Variants in OTULIN observed in about 807,000 individuals in gnomAD.
The protein encoded by OTULIN is ubiquitin thioesterase otulin.
A neutral mutation model predicts 39.6 loss-of-function variants in OTULIN; 15 were observed. The ratio of observed to expected loss-of-function variants is 0.38; its 90% CI spans 0.25 to 0.58. The LOEUF (loss-of-function observed/expected upper bound fraction) is 0.58, where lower values mean the gene tolerates loss of function less well. Ranked by LOEUF, OTULIN falls within the 20% of genes least tolerant of loss-of-function variation. The pLI is 0.66. For missense variants in OTULIN, 319 were observed against 445.9 expected (o/e 0.72, Z 2.56); for synonymous variants, 156 against 170.3 (o/e 0.92, Z 0.65).
chr5:14,685,898 T>A (rs1736376467), intron 4 of OTULIN, among the ~76,000 whole-genome samples: 1 of 152,194 alleles, frequency 6.6e-6, no homozygotes, highest in Non-Finnish European at 1.5e-5. Context: ...GTGATAAATC[T>A]GAGAGACTGA....
At chr5:14,673,551 G>A (rs1017743620) in intron 1 of OTULIN, 91 bp from the exon 2 acceptor site, 1 of 1,033,080 alleles carries the variant, frequency 9.7e-7, no homozygotes, top group East Asian at 2.5e-5. Flanking sequence ...TAAACCCTTA[G>A]TATATTATGC....
downstream of OTULIN, among the ~76,000 whole-genome samples, chr5:14,702,399 G>A (rs771888632): frequency 1.3e-5 from 2 of 152,164 alleles, no homozygotes; most frequent in Admixed American, 6.5e-5. Context: ...GGGCATCACC[G>A]CTGTATTTGG....
intron 1 of OTULIN, among the ~76,000 whole-genome samples, chr5:14,667,243 G>A (rs929246236): frequency 3.3e-5 from 5 of 152,204 alleles, no homozygotes; most frequent in Non-Finnish European, 5.9e-5. Context: ...CTGTGGTGAC[G>A]AGTAGAGAAA....
At chr5:14,677,852 A>G (rs1736145085) in intron 2 of OTULIN, among the ~76,000 whole-genome samples, 1 of 152,236 alleles carries the variant, frequency 6.6e-6, no homozygotes, top group Non-Finnish European at 1.5e-5. Context: ...ATGGTTATAA[A>G]AAACTGATTA....
the OTULIN span, chr5:14,711,159 G>A: frequency 3.2e-5 from 48 of 1,512,336 alleles, no homozygotes; most frequent in East Asian, 9.9e-4. Context: ...GTGTCATCCT[G>A]ACTGACTGTC....
intron 1 of OTULIN, among the ~76,000 whole-genome samples, chr5:14,671,489 C>A (rs1735977146): frequency 1.3e-5 from 2 of 152,256 alleles, no homozygotes; most frequent in African/African-American, 4.8e-5. Context: ...GGAATTTGTC[C>A]CTTATTTTAT....
chr5:14,672,635 T>C (rs1253082757), intron 1 of OTULIN, among the ~76,000 whole-genome samples: 1 of 152,120 alleles, frequency 6.6e-6, no homozygotes, highest in East Asian at 1.9e-4. Context: ...GAAGGTCAGC[T>C]AGTCTCCTTG....
chr5:14,666,803 A>G (rs1250458457), intron 1 of OTULIN, among the ~76,000 whole-genome samples: 5 of 152,122 alleles, frequency 3.3e-5, no homozygotes, highest in African/African-American at 1.2e-4. Context: ...GCCTTTTTCC[A>G]TCTTTCTGAC....
At chr5:14,711,488 T>G in the OTULIN span, among the ~76,000 whole-genome samples, 4 of 152,144 alleles carry the variant, frequency 2.6e-5, no homozygotes, top group Admixed American at 2.0e-4. Flanking sequence ...CCTTGCAGTT[T>G]GGTTGTCTGT....
the OTULIN span, chr5:14,709,647 A>T: frequency 6.6e-6 from 1 of 152,440 alleles, no homozygotes; most frequent in Non-Finnish European, 1.5e-5. Context: ...TACTCCAGTG[A>T]CCCATTTATT....
In OTULIN at chr5:14,697,258, A is replaced by G. The variant is rs1032912257; in HGVS notation, c.*4210A>G. 1 of 152,260 alleles carries G rather than the reference A, an allele frequency of 6.6e-6. No individual in the cohort carries two copies. The highest frequency in any genetic ancestry group is 2.4e-5 in the African/African-American group (1 of 41,426). The allele number at this position is 152,260 out of a possible 1,614,324, so 9.4% of individuals were successfully genotyped here. On this transcript the variant is annotated 3_prime_UTR_variant, in exon 7 of 7. Transcript: ENST00000284274. The stretch of plus-strand genomic sequence containing the variant: ...AGTGGTGCGATCTCAGCTCACTGCA[A>G]CTTTTGCCTCCTGGTTCAAGCAGTT...
At chr5:14,688,989 T>C (rs1474197491) in intron 5 of OTULIN, among the ~76,000 whole-genome samples, 1 of 152,236 alleles carries the variant, frequency 6.6e-6, no homozygotes, top group Non-Finnish European at 1.5e-5. Flanking sequence ...CCAGCATTAC[T>C]AACACTTCTA....
At chr5:14,679,849 A>G (rs1736201645) in intron 3 of OTULIN, among the ~76,000 whole-genome samples, 1 of 152,190 alleles carries the variant, frequency 6.6e-6, no homozygotes, top group South Asian at 2.1e-4. Context: ...TCAATTATGA[A>G]AAACCTGGAA....
the OTULIN span, chr5:14,710,270 T>A: frequency 6.6e-6 from 1 of 152,348 alleles, no homozygotes; most frequent in South Asian, 2.1e-4. Context: ...AAGCTTCAGT[T>A]CACTGTAAAA....
intron 2 of OTULIN, among the ~76,000 whole-genome samples, chr5:14,675,620 C>T (rs1024646324): frequency 9.9e-5 from 15 of 152,148 alleles, no homozygotes; most frequent in Admixed American, 2.6e-4. Flanking sequence ...TGTAGGCTCT[C>T]GGTTGTGATT....
chr5:14,682,648 C>T (rs1242902381), intron 4 of OTULIN, among the ~76,000 whole-genome samples: 1 of 152,152 alleles, frequency 6.6e-6, no homozygotes, highest in Admixed American at 6.5e-5. Context: ...TTTAATTATG[C>T]AAGCCCACTG....
downstream of OTULIN, among the ~76,000 whole-genome samples, chr5:14,703,837 C>T (rs935578930): frequency 1.3e-5 from 2 of 152,112 alleles, no homozygotes; most frequent in Admixed American, 1.3e-4. Flanking sequence ...GAGAGAAGCA[C>T]AGTGGAGGTA....
chr5:14,680,539 ATGG>A (rs745400653), intron 3 of OTULIN, among the ~76,000 whole-genome samples: 2 of 152,050 alleles, frequency 1.3e-5, no homozygotes, highest in Non-Finnish European at 2.9e-5. Context: ...GGTCAGGGAG[ATGG>A]TGGGCAGTTC....
chr5:14,712,850 A>G, the OTULIN span: 1 of 1,577,380 alleles, frequency 6.3e-7, no homozygotes, highest in Non-Finnish European at 8.6e-7. Flanking sequence ...ACCCGGGAGG[A>G]GGCTCCCGGC....
Sources: allele counts gnomAD v4.1 joint callset (sites outside exome capture counted in the v4.1 genomes callset), GRCh38; gene constraint gnomAD v4.1.1; transcripts MANE v1.5; gene names NCBI Gene and HGNC (gene_info 2026-07-23, HGNC 2026-07-21).